The following NELL2 variants were observed in gnomAD, a reference collection of about 807,000 sequenced individuals.
NELL2 encodes the protein neural EGFL like 2, also known as protein kinase C-binding protein NELL2.
In NELL2, 41 loss-of-function variants were observed where a neutral mutation model predicts 109.6. That is an observed-to-expected ratio of 0.37 (90% CI 0.29 to 0.49). The LOEUF (loss-of-function observed/expected upper bound fraction) is 0.49. NELL2 is among the 20% of genes least tolerant of loss of function. The pLI, the probability that NELL2 is intolerant of heterozygous loss-of-function variation, is 0.98. For missense variants in NELL2, 900 were observed against 1,008.3 expected (o/e 0.89, Z 1.45); for synonymous variants, 355 against 344.7 (o/e 1.03, Z -0.33).
chr12:44,764,227 T>C (rs953350803), intron 9 of NELL2, among the ~76,000 whole-genome samples: 13 of 152,208 alleles, frequency 8.5e-5, no homozygotes, highest in African/African-American at 2.4e-4. Flanking sequence ...TTTAACTCAG[T>C]GTGTTTTCTC....
intron 13 of NELL2, among the ~76,000 whole-genome samples, chr12:44,638,739 T>G (rs1296115975): frequency 6.6e-6 from 1 of 152,180 alleles, no homozygotes; most frequent in African/African-American, 2.4e-5. Flanking sequence ...ACTCATCCAC[T>G]CTATCTCACT....
At chr12:44,747,595 G>A (rs1410106846) in intron 9 of NELL2, among the ~76,000 whole-genome samples, 4 of 151,920 alleles carry the variant, frequency 2.6e-5, no homozygotes, top group Admixed American at 6.6e-5. Flanking sequence ...AAATTTATAC[G>A]TGGATTTTTG....
intron 9 of NELL2, among the ~76,000 whole-genome samples, chr12:44,743,150 C>A (rs1940102814): frequency 6.6e-6 from 1 of 152,190 alleles, no homozygotes; most frequent in South Asian, 2.1e-4. Context: ...CAATATTCAA[C>A]ATTCTTAAAG....
chr12:44,608,926 A>AT, intron 14 of NELL2, among the ~76,000 whole-genome samples: 1 of 150,286 alleles, frequency 6.7e-6, no homozygotes, highest in Non-Finnish European at 1.5e-5. Flanking sequence ...GTATATATAT[A>AT]TTTTTCCTAT....
intron 2 of NELL2, among the ~76,000 whole-genome samples, chr12:44,872,567 A>T (rs1945193770): frequency 1.3e-5 from 2 of 152,162 alleles, no homozygotes; most frequent in South Asian, 4.1e-4. Flanking sequence ...TGGCACAAGG[A>T]AAAGCAATAT....
intron 14 of NELL2, among the ~76,000 whole-genome samples, chr12:44,609,109 T>G (rs1231758370): frequency 1.3e-5 from 2 of 151,934 alleles, no homozygotes; most frequent in Middle Eastern, 3.4e-3. Flanking sequence ...ACATGGTGTT[T>G]GTTTTTTGTT....
chr12:44,875,746 C>A, intron 1 of NELL2, 69 bp downstream of exon 1: 1 of 1,611,038 alleles, frequency 6.2e-7, no homozygotes. Flanking sequence ...CGAGGCTTCC[C>A]CAGCCAGCCC....
intron 13 of NELL2, among the ~76,000 whole-genome samples, chr12:44,616,966 T>C (rs888782106): frequency 6.6e-6 from 1 of 152,194 alleles, no homozygotes; most frequent in Non-Finnish European, 1.5e-5. Flanking sequence ...AATATAATTA[T>C]TATACTGCAG....
intron 15 of NELL2, among the ~76,000 whole-genome samples, chr12:44,572,755 G>A (rs914313449): frequency 6.6e-5 from 10 of 152,200 alleles, no homozygotes; most frequent in African/African-American, 2.4e-4. Context: ...TCAATTAAAT[G>A]AGTATGATGC....
chr12:44,659,154 AAAAC>A (rs1947637023), intron 13 of NELL2, among the ~76,000 whole-genome samples: 1 of 152,212 alleles, frequency 6.6e-6, no homozygotes, highest in Non-Finnish European at 1.5e-5. Context: ...CCATATGCAG[AAAAC>A]TGAAACTGGA....
At position 44,791,096 on chromosome 12, in the gene NELL2, T is replaced by TATATATATAC. The variant is rs1491151191; in HGVS notation, c.336-11075_336-11074insGTATATATAT. On this transcript the variant is annotated intron_variant, in intron 3 of 19. Coordinates refer to ENST00000429094, the MANE Select transcript of NELL2 (RefSeq NM_001145108.2). ...ATATATATATACATATATATATATA[T>TATATATATAC]GTATATATATATGTATATATATATG... 4.9e-3 allele frequency among the ~76,000 whole-genome samples: 117 copies of TATATATATAC among 23,870 alleles called. 6 individuals are homozygous for TATATATATAC. Among genetic ancestry groups the TATATATATAC allele is most frequent in the African/African-American group, 0.013 (106 of 8,244 alleles). The allele number at this position is 23,870 out of a possible 152,430, so 15.7% of individuals were successfully genotyped here.
At chr12:44,637,713 G>T (rs1013372201) in intron 13 of NELL2, among the ~76,000 whole-genome samples, 16 of 151,184 alleles carry the variant, frequency 1.1e-4, no homozygotes, top group Non-Finnish European at 1.5e-5. Flanking sequence ...ATGACATGAA[G>T]CAGAGACCAA....
chr12:44,582,976 G>C (rs1362025634), intron 15 of NELL2, among the ~76,000 whole-genome samples: 1 of 152,134 alleles, frequency 6.6e-6, no homozygotes, highest in Non-Finnish European at 1.5e-5. Flanking sequence ...TCTAACTTCT[G>C]CCATGGGATG....
At position 44,887,636 on chromosome 12, in the gene NELL2, T is replaced by TTGTGTGTGTGTGTG. The variant is rs141640366; in HGVS notation, c.39-11750_39-11737dup. On this transcript the variant is annotated intron_variant, in intron 1 of 20. Transcript: ENST00000333837. ...AATTATTTGGGGTTTGGGGGGATTA[T>TTGTGTGTGTGTGTG]TGTGTGTGTGTGTGTGTGTGTGTTG... Among the ~76,000 whole-genome samples the TTGTGTGTGTGTGTG allele has an allele frequency of 5.9e-3, 884 of 149,222 alleles. 16 individuals are homozygous for TTGTGTGTGTGTGTG. The highest frequency in any genetic ancestry group is 0.02 in the African/African-American group (812 of 40,494).
intron 9 of NELL2, among the ~76,000 whole-genome samples, chr12:44,725,753 A>G (rs1452447679): frequency 6.6e-6 from 1 of 152,228 alleles, no homozygotes; most frequent in Non-Finnish European, 1.5e-5. Context: ...GCAGGAACAG[A>G]AAACCAAATA....
chr12:44,649,872 C>T (rs1046744359), intron 13 of NELL2, among the ~76,000 whole-genome samples: 2 of 152,180 alleles, frequency 1.3e-5, no homozygotes, highest in African/African-American at 4.8e-5. Context: ...GGGCTCTTCC[C>T]ACTAAGTGCT....
chr12:44,746,903 G>T (rs551990321), intron 9 of NELL2, among the ~76,000 whole-genome samples: 388 of 152,276 alleles, frequency 2.5e-3, no homozygotes, highest in Middle Eastern at 6.8e-3. Flanking sequence ...ATTCTTCAGG[G>T]ATCTAGAACT....
chr12:44,864,206 T>A (rs1944922600), intron 2 of NELL2, among the ~76,000 whole-genome samples: 1 of 152,178 alleles, frequency 6.6e-6, no homozygotes. Flanking sequence ...TGTAGTAAGT[T>A]CTTACCTATC....
chr12:44,688,257 C>T (rs1236251885), intron 12 of NELL2, among the ~76,000 whole-genome samples: 1 of 152,128 alleles, frequency 6.6e-6, no homozygotes, highest in Non-Finnish European at 1.5e-5. Flanking sequence ...CTACAGATTT[C>T]ATTATAATTG....
Sources: gnomAD v4.1 joint callset for allele counts (sites outside exome capture counted in the v4.1 genomes callset) on GRCh38, gnomAD v4.1.1 for gene constraint, MANE v1.5 for transcripts, NCBI Gene and HGNC (gene_info 2026-07-23, HGNC 2026-07-21) for gene names.